The following TOP1 variants were observed in gnomAD, a reference collection of about 807,000 sequenced individuals.
TOP1 encodes the protein DNA topoisomerase I.
In TOP1, 10 loss-of-function variants were observed where a neutral mutation model predicts 111.1. The observed-to-expected ratio is 0.09, with a 90% CI of 0.06 to 0.15. The LOEUF is 0.15. Among genes scored for constraint, TOP1 ranks in the 10% least tolerant of loss-of-function variants. The pLI, the probability that TOP1 is intolerant of heterozygous loss-of-function variation, is 1.00. For synonymous variants in TOP1, 271 were observed against 302.9 expected, an observed-to-expected ratio of 0.89 and a Z score of 1.10; for missense variants, 474 against 926.7, an observed-to-expected ratio of 0.51 and a Z score of 6.34.
intron 2 of TOP1, among the ~76,000 whole-genome samples, chr20:41,052,703 A>G (rs2033420294): frequency 6.6e-6 from 1 of 152,162 alleles, no homozygotes; most frequent in Non-Finnish European, 1.5e-5. Context: ...TAAAAGAAAA[A>G]AAAAGGACCA....
rs776817746 is a variant in TOP1 at position 41,030,978 on chromosome 20, A to G, written c.58+1523A>G. 6.6e-6 allele frequency among the ~76,000 whole-genome samples: 1 copy of G among 152,204 alleles called. No individual in the cohort carries two copies. Among genetic ancestry groups the G allele is most frequent in the Non-Finnish European group, 1.5e-5 (1 of 68,044 alleles). On this transcript the variant is annotated intron_variant, in intron 2 of 20. Transcript: ENST00000361337. This position sits in a 1 kb window ranked among gnomAD's most constrained non-coding sequence, Gnocchi z 4.1. ...CTCTCAATTCAGTCTATTGGGGGAG[A>G]CATAATTAGTTAATTATAAGGTAAC...
chr20:41,073,247 A>G, intron 3 of TOP1: 1 of 985,396 alleles, frequency 1.0e-6, no homozygotes, highest in Non-Finnish European at 1.2e-6. Context: ...GAAAATGGCT[A>G]ACATTCTAAG....
At chr20:41,055,459 G>C (rs2033458761) in intron 2 of TOP1, among the ~76,000 whole-genome samples, 1 of 152,162 alleles carries the variant, frequency 6.6e-6, no homozygotes, top group Non-Finnish European at 1.5e-5. Context: ...AGATCTGTGT[G>C]CCCTTATTGG....
intron 2 of TOP1, among the ~76,000 whole-genome samples, chr20:41,052,832 A>G (rs2033422143): frequency 6.6e-6 from 1 of 152,142 alleles, no homozygotes; most frequent in Non-Finnish European, 1.5e-5. Context: ...CTCTACAAAA[A>G]TACAAAAATT....
In TOP1 at chr20:41,092,504, A is replaced by G. The variant is rs1311803129; in HGVS notation, c.647A>G (p.Lys216Arg). 6.2e-7 allele frequency: 1 copy of G among 1,604,270 alleles called. No homozygotes were observed. ...GAAGAGCGCTATCCTGAAGGCATCA[A>G]GTGGAAATTCCTAGAACATAAAGGT... ...WEEERYPEGI[K>R]WKFLEHKGPV... Residue 216 changes from lysine (K) to arginine (R), a missense_variant, in exon 9 of 21, where the codon AAG becomes AGG. Physicochemically the swap from Lys to Arg is conservative, Grantham distance 26 (BLOSUM62 2). Around this residue, in one of 14 missense-constraint regions of TOP1, gnomAD observed 11 missense variants for 36.8 expected, o/e 0.30. Transcript: ENST00000361337. The surrounding 1 kb of genome is among the most constrained non-coding windows in gnomAD (Gnocchi z 4.3).
Position 41,029,030 on chromosome 20 carries a change from C to T in TOP1, c.-38C>T, listed in dbSNP as rs1319699861. ...TTCGCCGTCTGCGTCTCCCCCACGC[C>T]GCCTCGCCTGCCGCCGCGCTCGTCC... On this transcript the variant is annotated 5_prime_UTR_variant, in exon 1 of 21. Coordinates refer to ENST00000361337, the MANE Select transcript of TOP1 (RefSeq NM_003286.4). The surrounding 1 kb of genome is among the most constrained non-coding windows in gnomAD (Gnocchi z 6.1). The T allele has an allele frequency of 7.8e-6, 12 of 1,537,880 alleles. No homozygotes were observed. The highest frequency in any genetic ancestry group is 1.4e-5 in the African/African-American group (1 of 70,878).
Position 41,115,287 on chromosome 20 carries a change from T to C in TOP1, c.1639-84T>C, listed in dbSNP as rs1568706893. 6 of 931,302 alleles carry C rather than the reference T, an allele frequency of 6.4e-6. No individual in the cohort carries two copies. 57.7% of individuals were successfully genotyped at this position (931,302 alleles called of 1,614,324 possible). A position where few individuals can be genotyped will look rare whatever the true frequency, so the allele number is the denominator to read the frequency against. ...TGCGTGTTCCTTGTGCCTTTTTCTT[T>C]GCAAGTTTCTTTAAGTTTGGGGTTA... On this transcript the variant is annotated intron_variant, in intron 15 of 20. Transcript: ENST00000361337. This position sits in a 1 kb window ranked among gnomAD's most constrained non-coding sequence, Gnocchi z 6.3.
Position 41,121,786 on chromosome 20 carries a change from A to G in TOP1, c.2041A>G (p.Lys681Glu). ...DAKVMKDAKT[K>E]KVVESKKKAV... ...CAAGGTCATGAAGGATGCAAAGACG[A>G]AGAAGTATGTACCTGGTATTGTGAA... The change falls in exon 19 of 21, where the codon AAG becomes GAG. Residue 681 changes from lysine (K) to glutamate (E), a missense_variant. Lys to Glu is a moderately conservative substitution (Grantham distance 56). Around this residue, in one of 14 missense-constraint regions of TOP1, gnomAD observed 36 missense variants for 42.3 expected, o/e 0.85. Transcript: ENST00000361337. This position sits in a 1 kb window ranked among gnomAD's most constrained non-coding sequence, Gnocchi z 4.2. The G allele has an allele frequency of 1.9e-6, 3 of 1,614,038 alleles. No individual in the cohort carries two copies. Among genetic ancestry groups the G allele is most frequent in the Non-Finnish European group, 2.5e-6 (3 of 1,179,822 alleles).
chr20:41,118,125 G>A lies in TOP1; in HGVS notation c.1823-44G>A, dbSNP rs1428587173. On this transcript the variant is annotated intron_variant, in intron 17 of 20. Coordinates refer to ENST00000361337, the MANE Select transcript of TOP1 (RefSeq NM_003286.4). This position sits in a 1 kb window ranked among gnomAD's most constrained non-coding sequence, Gnocchi z 4.6. The stretch of plus-strand genomic sequence containing the variant: ...AAGACATACTGTGTGTTCACTTTTG[G>A]TGTACAAACTGACCCTCTTGCTACC... 1.3e-6 allele frequency: 2 copies of A among 1,598,692 alleles called. No homozygotes were observed. The highest frequency in any genetic ancestry group is 2.2e-5 in the East Asian group (1 of 44,590).
chr20:41,033,467 A>G (rs953454456), intron 2 of TOP1, among the ~76,000 whole-genome samples: 3 of 152,030 alleles, frequency 2.0e-5, no homozygotes, highest in Non-Finnish European at 2.9e-5. Flanking sequence ...ATTAAATAAC[A>G]TGTCTTAAAG....
rs2033795874 is a variant in TOP1, at chr20:41,082,114, T to G, written c.507+874T>G. 6.6e-6 allele frequency among the ~76,000 whole-genome samples: 1 copy of G among 152,088 alleles called. No individual in the cohort carries two copies. The highest frequency in any genetic ancestry group is 2.4e-5 in the African/African-American group (1 of 41,414). ...CTAAGACAAGAAGGGGTTGGGTGAGTTCTTAGCTCTTATGCTACATTTGAG... is the reference window on the plus strand; with the variant it reads ...CTAAGACAAGAAGGGGTTGGGTGAGGTCTTAGCTCTTATGCTACATTTGAG... On this transcript the variant is annotated intron_variant, in intron 7 of 20. Transcript: ENST00000361337. This position sits in a 1 kb window ranked among gnomAD's most constrained non-coding sequence, Gnocchi z 4.1.
rs186959434 is a variant in TOP1, at chr20:41,050,526, A to G, written c.59-10868A>G. Among the ~76,000 whole-genome samples the G allele has an allele frequency of 3.3e-5, 5 of 152,356 alleles. No individual in the cohort carries two copies. In the East Asian group the frequency reaches 9.6e-4, roughly 29 times the overall value. On this transcript the variant is annotated intron_variant, in intron 2 of 20. Coordinates refer to ENST00000361337, the MANE Select transcript of TOP1 (RefSeq NM_003286.4). ...AGTGATAAGGACTCTTCTGTAGGCT[A>G]CAAATTGAAACCAGCCACCATTAAG...
At position 41,029,181 on chromosome 20, in the gene TOP1, C is replaced by G; in HGVS notation, c.33+81C>G. 1 of 1,149,390 alleles carries G rather than the reference C, an allele frequency of 8.7e-7. No individual in the cohort carries two copies. The allele number at this position is 1,149,390 out of a possible 1,614,324, so 71.2% of individuals were successfully genotyped here. A position where few individuals can be genotyped will look rare whatever the true frequency, so the allele number is the denominator to read the frequency against. ...CCCCGGCGCAGGCCCCGACCCCAGC[C>G]CCGGCCCGGCAGCTTTGACAGGCCG... On this transcript the variant is annotated intron_variant, in intron 1 of 20. Coordinates refer to ENST00000361337, the MANE Select transcript of TOP1 (RefSeq NM_003286.4). The surrounding 1 kb of genome is among the most constrained non-coding windows in gnomAD (Gnocchi z 6.1).
At position 41,106,483 on chromosome 20, in the gene TOP1, G is replaced by A. The variant is rs954870532; in HGVS notation, c.1308+5130G>A. Among the ~76,000 whole-genome samples, 6 of 152,082 alleles carry A rather than the reference G, an allele frequency of 3.9e-5. No individual in the cohort carries two copies. The highest frequency in any genetic ancestry group is 7.2e-5 in the African/African-American group (3 of 41,410). Reference sequence around the variant, plus strand: ...AATTGCAATACATTTATAGATTAACGGAGAAAGATATTGACAATACAATTG... The same window carrying A: ...AATTGCAATACATTTATAGATTAACAGAGAAAGATATTGACAATACAATTG... On this transcript the variant is annotated intron_variant, in intron 13 of 20. Transcript: ENST00000361337. The surrounding 1 kb of genome is among the most constrained non-coding windows in gnomAD (Gnocchi z 4.3).
In TOP1 at chr20:41,112,862, A is replaced by G. The variant is rs2145964115; in HGVS notation, c.1389A>G (p.Glu463=). The G allele has an allele frequency of 6.2e-7, 1 of 1,614,260 alleles. No individual in the cohort carries two copies. Among genetic ancestry groups the G allele is most frequent in the Non-Finnish European group, 8.5e-7 (1 of 1,180,050 alleles). The stretch of plus-strand genomic sequence containing the variant: ...ACAAGATCCGGAACCAGTATCGAGA[A>G]GACTGGAAGTCCAAAGAGATGAAAG... ...CVDKIRNQYR[E]DWKSKEMKVR... is the part of the protein sequence containing the mutation. Residue 463 remains glutamate, a synonymous_variant, in exon 14 of 21, where the codon GAA becomes GAG. Transcript: ENST00000361337. The surrounding 1 kb of genome is among the most constrained non-coding windows in gnomAD (Gnocchi z 5.8).
intron 2 of TOP1, among the ~76,000 whole-genome samples, chr20:41,037,110 A>G (rs4810309): frequency 0.58 from 88,505 of 151,942 alleles, 27,325 homozygotes; most frequent in East Asian, 0.82. Context: ...GATTACATGC[A>G]TGAGCCACCG....
chr20:41,068,297 T>G (rs150111997), intron 3 of TOP1, among the ~76,000 whole-genome samples: 7 of 152,354 alleles, frequency 4.6e-5, no homozygotes, highest in Non-Finnish European at 7.3e-5. Flanking sequence ...TTGTCTGGCC[T>G]GTAACATGAC....
chr20:41,077,706 G>A, intron 5 of TOP1, 69 bp downstream of exon 5: 1 of 1,478,008 alleles, frequency 6.8e-7, no homozygotes, highest in Non-Finnish European at 9.5e-7. Context: ...CTGTGTTGTA[G>A]TGTTGTCTGA....
At chr20:41,041,211 G>A (rs2033259745) in intron 2 of TOP1, among the ~76,000 whole-genome samples, 1 of 152,024 alleles carries the variant, frequency 6.6e-6, no homozygotes, top group South Asian at 2.1e-4. Context: ...ACTTTGGGAG[G>A]CCAAAGTGGG....
Sources: allele counts gnomAD v4.1 joint callset (sites outside exome capture counted in the v4.1 genomes callset), GRCh38; gene constraint gnomAD v4.1.1; regional missense constraint gnomAD v4.1.1; non-coding constraint Gnocchi (gnomAD v3.1); transcripts MANE v1.5; gene names NCBI Gene and HGNC (gene_info 2026-07-23, HGNC 2026-07-21).